XPNPEP2: variants seen among roughly 807,000 people sequenced by gnomAD.
The protein encoded by XPNPEP2 is xaa-Pro aminopeptidase 2.
Under a neutral mutation model 59.8 loss-of-function variants are expected in XPNPEP2, and 64 were observed. The observed-to-expected ratio is 1.07, with a 90% CI of 0.87 to 1.32. XPNPEP2 has a LOEUF of 1.32. Ranked by LOEUF, XPNPEP2 falls within the 40% of genes most tolerant of loss-of-function variation. The pLI is 0.00. For missense variants in XPNPEP2, 575 were observed against 546.8 expected (o/e 1.05, Z -0.51); for synonymous variants, 235 against 210.0 (o/e 1.12, Z -1.03).
intron 8 of XPNPEP2, among the ~76,000 whole-genome samples, chrX:129,750,809 G>A (rs1205919767): frequency 8.9e-6 from 1 of 112,346 alleles, no homozygotes; most frequent in African/African-American, 3.2e-5. Flanking sequence ...GGCCACCAGA[G>A]GAACGAACTG....
intron 19 of XPNPEP2, among the ~76,000 whole-genome samples, chrX:129,764,377 C>T (rs1926708287): frequency 9.0e-6 from 1 of 110,638 alleles, no homozygotes; most frequent in East Asian, 2.9e-4. Context: ...AATACAAGAC[C>T]GGGCGTGGTG....
intron 15 of XPNPEP2, among the ~76,000 whole-genome samples, chrX:129,759,724 A>G (rs1268375156): frequency 8.9e-6 from 1 of 112,965 alleles, no homozygotes; most frequent in African/African-American, 3.2e-5. Flanking sequence ...CAGGCCGACT[A>G]TGGGGCAGAC....
chrX:129,743,620 G>C (rs914448842), intron 2 of XPNPEP2, among the ~76,000 whole-genome samples: 4 of 112,321 alleles, frequency 3.6e-5, no homozygotes, highest in Non-Finnish European at 7.5e-5. Context: ...AGCCAAAGAA[G>C]GACTGTCTGC....
chrX:129,758,919 A>G (rs1926605133), intron 14 of XPNPEP2, among the ~76,000 whole-genome samples: 1 of 111,989 alleles, frequency 8.9e-6, no homozygotes, highest in Non-Finnish European at 1.9e-5. Context: ...AGAACAGCCA[A>G]AATGAGTGGG....
At chrX:129,767,817 C>A (rs1456939203) in intron 20 of XPNPEP2, 125 bp downstream of exon 20, 1 of 668,276 alleles carries the variant, frequency 1.5e-6, no homozygotes, top group African/African-American at 2.1e-5. Context: ...CCTGCAGACA[C>A]ACACTGGGGC....
Position 129,768,714 on chromosome X carries a change from C to T in XPNPEP2, c.*229C>T, listed in dbSNP as rs745871614. ...CTGCACCCCGGGGTTGTATACCACA[C>T]CCTGGGCCCCTAATCCCAGGCCCCG... On this transcript the variant is annotated 3_prime_UTR_variant, in exon 21 of 21. Coordinates refer to ENST00000371106, the MANE Select transcript of XPNPEP2 (RefSeq NM_003399.6). 3 of 301,963 alleles carry T rather than the reference C, an allele frequency of 9.9e-6. No homozygotes were observed. Among genetic ancestry groups the T allele is most frequent in the Non-Finnish European group, 1.2e-5 (2 of 173,391 alleles). 24.9% of individuals were successfully genotyped at this position (301,963 alleles called of 1,213,427 possible).
At chrX:129,750,436 C>T in intron 7 of XPNPEP2, 32 bp from the exon 8 acceptor site, 1 of 1,150,655 alleles carries the variant, frequency 8.7e-7, no homozygotes, top group African/African-American at 1.8e-5. Flanking sequence ...AGGTCTGTCA[C>T]TTACACTTTT....
intron 7 of XPNPEP2, among the ~76,000 whole-genome samples, chrX:129,750,069 T>C (rs1016978364): frequency 7.1e-5 from 8 of 113,021 alleles, no homozygotes; most frequent in Non-Finnish European, 1.1e-4. Context: ...GTCTGCATGA[T>C]TATTTATTAA....
chrX:129,743,254 G>A (rs188086908), intron 2 of XPNPEP2, among the ~76,000 whole-genome samples: 9 of 112,401 alleles, frequency 8.0e-5, no homozygotes, highest in African/African-American at 2.3e-4. Context: ...CATGCTTTTC[G>A]TTTTAAAGCT....
rs968116353 is a variant in XPNPEP2, at chrX:129,739,404, C to T, written c.49+142C>T. 5 of 588,783 alleles carry T rather than the reference C, an allele frequency of 8.5e-6. No individual in the cohort carries two copies. The East Asian group carries it at 1.8e-4, about 21-fold the overall frequency. The allele number at this position is 588,783 out of a possible 1,213,427, so 48.5% of individuals were successfully genotyped here. ...ACTTGAGGAAGAGACACCTCAGGGC[C>T]AGTGTTGGGGGCCCTCATAACTTGG... On this transcript the variant is annotated intron_variant, in intron 1 of 20. Transcript: ENST00000371106.
intron 7 of XPNPEP2, among the ~76,000 whole-genome samples, chrX:129,748,142 A>G (rs1489262748): frequency 8.9e-6 from 1 of 111,924 alleles, no homozygotes; most frequent in African/African-American, 3.3e-5. Context: ...AATCATTCAG[A>G]CCTTTACTTC....
At chrX:129,755,489 G>T (rs1602905623) in intron 13 of XPNPEP2, 118 bp downstream of exon 13, 1 of 665,005 alleles carries the variant, frequency 1.5e-6, no homozygotes, top group Non-Finnish European at 2.3e-6. Flanking sequence ...AAGGTCCGAG[G>T]CCCCTAGCCC....
intron 20 of XPNPEP2, 66 bp downstream of exon 20, chrX:129,767,758 C>A: frequency 9.0e-7 from 1 of 1,105,843 alleles, no homozygotes; most frequent in Non-Finnish European, 1.2e-6. Flanking sequence ...TACCTGCCAC[C>A]ACATCCTCTG....
At position 129,744,028 on chromosome X, in the gene XPNPEP2, A is replaced by G. The variant is rs149052592; in HGVS notation, c.191A>G (p.Gln64Arg). The change falls in exon 3 of 21, where the codon CAG (glutamine) becomes CGG (arginine). Residue 64 changes from glutamine (Q) to arginine (R), a missense_variant. By Grantham distance (43) the Gln-to-Arg change is conservative. Coordinates refer to ENST00000371106, the MANE Select transcript of XPNPEP2 (RefSeq NM_003399.6). ...LTALRQQMQTQNLSAYIIPGT... is the reference protein window; with the variant it reads ...LTALRQQMQTRNLSAYIIPGT... ...GCCCTCCGCCAGCAGATGCAGACCC[A>G]GAATCTCTCAGCCTACATCATCCCA... The G allele has an allele frequency of 1.4e-3, 1,681 of 1,210,408 alleles. 20 individuals carry two copies. The East Asian group carries it at 0.039, about 28-fold the overall frequency.
chrX:129,768,213 AG>A, intron 20 of XPNPEP2, 77 bp from the exon 21 acceptor site: 3 of 1,009,701 alleles, frequency 3.0e-6, no homozygotes, highest in Non-Finnish European at 2.7e-6. Context: ...GTACCACAAC[AG>A]GGGACTGGGC....
intron 1 of XPNPEP2, among the ~76,000 whole-genome samples, chrX:129,740,582 T>C (rs1265294856): frequency 6.5e-5 from 7 of 108,049 alleles, no homozygotes; most frequent in Non-Finnish European, 9.6e-5. Flanking sequence ...TGAGCCAAGA[T>C]TGTGCCACTG....
At chrX:129,754,644 G>A in intron 12 of XPNPEP2, 63 bp downstream of exon 12, 1 of 1,012,369 alleles carries the variant, frequency 9.9e-7, no homozygotes, top group Middle Eastern at 2.6e-4. Context: ...GGGGCAGGGA[G>A]GGGGAATTTG....
At chrX:129,746,387 T>C in intron 5 of XPNPEP2, 47 bp downstream of exon 5, 1 of 1,125,847 alleles carries the variant, frequency 8.9e-7, no homozygotes, top group Non-Finnish European at 1.2e-6. Context: ...GGACCTGGAC[T>C]AGGTTCAGGA....
intron 1 of XPNPEP2, among the ~76,000 whole-genome samples, chrX:129,739,893 C>T (rs775608644): frequency 8.0e-5 from 9 of 112,376 alleles, no homozygotes; most frequent in South Asian, 7.4e-4. Flanking sequence ...GTCATTCCTG[C>T]GGCACCCTCT....
Sources: gnomAD v4.1 joint callset for allele counts (sites outside exome capture counted in the v4.1 genomes callset) on GRCh38, gnomAD v4.1.1 for gene constraint, MANE v1.5 for transcripts, NCBI Gene and HGNC (gene_info 2026-07-23, HGNC 2026-07-21) for gene names.